Variants in SAMD14 observed in about 807,000 individuals in gnomAD.
The protein encoded by SAMD14 is sterile alpha motif domain-containing protein 14.
A neutral mutation model predicts 46.2 loss-of-function variants in SAMD14; 27 were observed. The ratio of observed to expected loss-of-function variants is 0.58; its 90% CI spans 0.43 to 0.81. The LOEUF (loss-of-function observed/expected upper bound fraction) is 0.81, where lower values mean the gene tolerates loss of function less well. Ranked by LOEUF, SAMD14 falls within the 30% of genes least tolerant of loss-of-function variation. The pLI is 0.00. For synonymous variants in SAMD14, 241 were observed against 254.3 expected (o/e 0.95, Z 0.50); for missense variants, 559 against 582.2 (o/e 0.96, Z 0.41).
chr17:50,122,861 G>A (rs1344047281), intron 2 of SAMD14, among the ~76,000 whole-genome samples: 1 of 152,058 alleles, frequency 6.6e-6, no homozygotes, highest in Admixed American at 6.5e-5. Flanking sequence ...CGAGGGGAAG[G>A]AAGGGTCTGG....
chr17:50,124,765 G>GAACGCGCA, intron 2 of SAMD14, 152 bp downstream of exon 2: 1 of 620,252 alleles, frequency 1.6e-6, no homozygotes, highest in Non-Finnish European at 2.8e-6. Flanking sequence ...GCGTGCACGC[G>GAACGCGCA]CGCGCGCACA....
intron 4 of SAMD14, 60 bp downstream of exon 4, chr17:50,117,347 C>A: frequency 7.9e-7 from 1 of 1,261,678 alleles, no homozygotes; most frequent in Non-Finnish European, 1.0e-6. Context: ...GCGCCGGGAC[C>A]GGGAGGGCTG....
rs1911953126 is a variant in SAMD14 at position 50,129,828 on chromosome 17, G to GTGTGCA, written c.-325_-324insTGCACA. 6.8e-6 allele frequency: 1 copy of GTGTGCA among 147,670 alleles called. No individual in the cohort carries two copies. Among genetic ancestry groups the GTGTGCA allele is most frequent in the African/African-American group, 2.6e-5 (1 of 38,488 alleles). 9.1% of individuals were successfully genotyped at this position (147,670 alleles called of 1,614,324 possible). A position where few individuals can be genotyped will look rare whatever the true frequency, so the allele number is the denominator to read the frequency against. On this transcript the variant is annotated 5_prime_UTR_variant, in exon 1 of 10. It adds an upstream start codon to the 5' untranslated region. Coordinates refer to ENST00000330175, the MANE Select transcript of SAMD14 (RefSeq NM_001257359.2). The surrounding 1 kb of genome is among the most constrained non-coding windows in gnomAD (Gnocchi z 5.6). ...CGTGTGTGTGTGCGTGTGCGTGTGC[G>GTGTGCA]TGTGTGTGTGTGTGACAGAGAGAGA...
rs1472721109 is a variant in SAMD14, at chr17:50,117,598, G to C, written c.308C>G (p.Pro103Arg). ...CTCGTCCAGGCTGCGCCGCAACCCC[G>C]GAGGATCCAGGCAGAAAGAGCCCCC... ...PAGGSFCLDPPGLRRSLDEDE... is the reference protein window; with the variant it reads ...PAGGSFCLDPRGLRRSLDEDE... Residue 103 changes from proline to arginine, a missense_variant, in exon 4 of 10, where the codon CCG becomes CGG. Physicochemically the swap from Pro to Arg is moderately radical, Grantham distance 103 (BLOSUM62 -2). Transcript: ENST00000330175. 9 of 1,554,478 alleles carry C rather than the reference G, an allele frequency of 5.8e-6. 1 individual carries two copies. The highest frequency in any genetic ancestry group is 1.4e-5 in the African/African-American group (1 of 71,842).
chr17:50,115,700 C>A lies in SAMD14; in HGVS notation c.686G>T (p.Arg229Met), dbSNP rs1314697863. Reference sequence around the variant, plus strand: ...AGGCAGGAACGGGGAGCCCCCTGACCTGCCGGACCCCTCCACTGACTCCCT... The same window carrying A: ...AGGCAGGAACGGGGAGCCCCCTGACATGCCGGACCCCTCCACTGACTCCCT... ...GSRESVEGSG[R>M]SGGSPFLPFS... Residue 229 changes from arginine to methionine, a missense_variant, in exon 7 of 10, where the codon AGG becomes ATG. Physicochemically the swap from Arg to Met is moderately conservative, Grantham distance 91. Transcript: ENST00000330175. This position sits in a 1 kb window ranked among gnomAD's most constrained non-coding sequence, Gnocchi z 5.3. 10 of 1,605,164 alleles carry A rather than the reference C, an allele frequency of 6.2e-6. No individual in the cohort carries two copies. The Middle Eastern group carries it at 5.0e-4, about 79-fold the overall frequency.
rs916452080 is a variant in SAMD14, at chr17:50,111,708, G to C, written c.*1185C>G. On this transcript the variant is annotated 3_prime_UTR_variant, in exon 10 of 10. Transcript: ENST00000330175. ...AACTCTGACCAGTGTCCTGGAAGCG[G>C]GACTAGCTGCTGACCAGCGCCACAC... The C allele has an allele frequency of 3.3e-5, 5 of 152,312 alleles. No individual in the cohort carries two copies. Among genetic ancestry groups the C allele is most frequent in the African/African-American group, 1.2e-4 (5 of 41,450 alleles). 9.4% of individuals were successfully genotyped at this position (152,312 alleles called of 1,614,324 possible).
chr17:50,119,563 T>C (rs1248455530), intron 2 of SAMD14, among the ~76,000 whole-genome samples: 1 of 152,134 alleles, frequency 6.6e-6, no homozygotes, highest in African/African-American at 2.4e-5. Context: ...ATTCTGAGTG[T>C]GGGCACTCAG....
At chr17:50,123,517 C>T (rs1041046200) in intron 2 of SAMD14, 5 of 152,924 alleles carry the variant, frequency 3.3e-5, no homozygotes, top group African/African-American at 1.2e-4. Context: ...AGCACCATGG[C>T]CATCTTACCT....
chr17:50,118,384 A>G (rs933656721), intron 2 of SAMD14, 57 bp from the exon 3 acceptor site: 2 of 1,590,288 alleles, frequency 1.3e-6, no homozygotes, highest in South Asian at 1.1e-5. Context: ...CGGCAAGCCC[A>G]GAGGCCCACC....
rs911277615 is a variant in SAMD14, at chr17:50,112,738, G to A, written c.*155C>T. 4.6e-6 allele frequency: 4 copies of A among 870,434 alleles called. No individual in the cohort carries two copies. The African/African-American group carries it at 6.8e-5, about 15-fold the overall frequency. 53.9% of individuals were successfully genotyped at this position (870,434 alleles called of 1,614,324 possible). A position where few individuals can be genotyped will look rare whatever the true frequency, so the allele number is the denominator to read the frequency against. ...TCCCTTTCTGGGGTCTCTGGGTCTA[G>A]ACCAAGTGACAGGGTAAGAGAGAGC... On this transcript the variant is annotated 3_prime_UTR_variant, in exon 10 of 10. Coordinates refer to ENST00000330175, the MANE Select transcript of SAMD14 (RefSeq NM_001257359.2).
Position 50,112,748 on chromosome 17 carries a change from CAG to C in SAMD14, c.*143_*144del, listed in dbSNP as rs367826963. 1.1e-6 allele frequency: 1 copy of C among 936,806 alleles called. No individual in the cohort carries two copies. Among genetic ancestry groups the C allele is most frequent in the African/African-American group, 1.7e-5 (1 of 60,290 alleles). The allele number at this position is 936,806 out of a possible 1,614,324, so 58.0% of individuals were successfully genotyped here. A position where few individuals can be genotyped will look rare whatever the true frequency, so the allele number is the denominator to read the frequency against. ...GGGTCTCTGGGTCTAGACCAAGTGACAGGGTAAGAGAGAGCATGTCCCCCCTG... is the reference window on the plus strand; with the variant it reads ...GGGTCTCTGGGTCTAGACCAAGTGACGGTAAGAGAGAGCATGTCCCCCCTG... On this transcript the variant is annotated 3_prime_UTR_variant, in exon 10 of 10. Transcript: ENST00000330175.
intron 1 of SAMD14, among the ~76,000 whole-genome samples, chr17:50,128,482 TCACACACA>T (rs34869142): frequency 3.8e-4 from 51 of 135,896 alleles, no homozygotes; most frequent in Non-Finnish European, 7.1e-4. Context: ...GCACACTCTC[TCACACACA>T]CACACACACA....
intron 7 of SAMD14, 127 bp from the exon 8 acceptor site, chr17:50,114,433 A>G (rs1396966126): frequency 2.5e-6 from 4 of 1,613,358 alleles, no homozygotes; most frequent in Non-Finnish European, 3.4e-6. Flanking sequence ...ATGAGCCAGG[A>G]GCTGGGCCTG....
chr17:50,124,752 C>G, intron 2 of SAMD14, among the ~76,000 whole-genome samples, 165 bp downstream of exon 2: 1 of 116,066 alleles, frequency 8.6e-6, no homozygotes, highest in Non-Finnish European at 1.8e-5. Flanking sequence ...ACAATACCTG[C>G]ACGCGTGCAC....
At position 50,122,750 on chromosome 17, in the gene SAMD14, C is replaced by T. The variant is rs948624121; in HGVS notation, c.43+2167G>A. On this transcript the variant is annotated intron_variant, in intron 2 of 9. Coordinates refer to ENST00000330175, the MANE Select transcript of SAMD14 (RefSeq NM_001257359.2). ...TGAGGTCTGGGTAACCATAAAGAGC[C>T]GAGGTTGCAGAAGGAACAAAAAGAG... 7.9e-5 allele frequency among the ~76,000 whole-genome samples: 12 copies of T among 152,122 alleles called. 1 individual carries two copies. Among genetic ancestry groups the T allele is most frequent in the East Asian group, 3.9e-4 (2 of 5,180 alleles).
chr17:50,126,817 T>A (rs1911798008), intron 1 of SAMD14, among the ~76,000 whole-genome samples: 1 of 151,706 alleles, frequency 6.6e-6, no homozygotes, highest in South Asian at 2.1e-4. Flanking sequence ...AATAAGTAAG[T>A]AGCTGGGCGT....
chr17:50,116,178 T>G, intron 4 of SAMD14, 88 bp from the exon 5 acceptor site: 2 of 1,507,348 alleles, frequency 1.3e-6, no homozygotes, highest in South Asian at 2.6e-5. Flanking sequence ...GAAATTCTCT[T>G]GACTTAGAAT....
In SAMD14 at chr17:50,125,108, G is replaced by A. The variant is rs1038467390; in HGVS notation, c.-12-137C>T. On this transcript the variant is annotated intron_variant, in intron 1 of 9. Transcript: ENST00000330175. ...CCCCTTACCTTAGAACCCTTCTTCT[G>A]TCCCCTGGAAGAGAAGCCACTGGAA... is the stretch of plus-strand genomic sequence containing the variant. 1.9e-5 allele frequency: 14 copies of A among 734,098 alleles called. No individual in the cohort carries two copies. In the African/African-American group the frequency reaches 2.0e-4, roughly 10 times the overall value. 45.5% of individuals were successfully genotyped at this position (734,098 alleles called of 1,614,324 possible).
Position 50,117,643 on chromosome 17 carries a change from G to T in SAMD14, c.263C>A (p.Ser88Ter). 3 of 1,557,522 alleles carry T rather than the reference G, an allele frequency of 1.9e-6. No individual in the cohort carries two copies. The highest frequency in any genetic ancestry group is 2.6e-6 in the Non-Finnish European group (3 of 1,162,210). The change falls in exon 4 of 10, where the codon TCA becomes TAA. Residue 88 changes from serine (S) to a stop codon, truncating the protein, a stop_gained. Coordinates refer to ENST00000330175, the MANE Select transcript of SAMD14 (RefSeq NM_001257359.2). LOFTEE classifies it high-confidence loss of function. Reference protein sequence around the residue: ...PLHRLRSPLHSGPGSPAGGSF... With the variant: ...PLHRLRSPLH ...GCCCCCGGCCGGGGACCCCGGGCCT[G>T]AGTGCAAAGGCGAGCGCAGCCGGTG...
Sources: gnomAD v4.1 joint callset for allele counts (sites outside exome capture counted in the v4.1 genomes callset) on GRCh38, gnomAD v4.1.1 for gene constraint, Gnocchi (gnomAD v3.1) non-coding constraint, MANE v1.5 for transcripts, NCBI Gene and HGNC (gene_info 2026-07-23, HGNC 2026-07-21) for gene names.